Variants in ETV5 observed in about 807,000 individuals in gnomAD.
ETV5 encodes ETS variant transcription factor 5, also known as ETS translocation variant 5.
Under a neutral mutation model 70.0 loss-of-function variants are expected in ETV5, and 10 were observed. The ratio of observed to expected loss-of-function variants is 0.14; its 90% CI spans 0.09 to 0.24. The LOEUF (loss-of-function observed/expected upper bound fraction) is 0.24, where lower values mean the gene tolerates loss of function less well. Among genes scored for constraint, ETV5 ranks in the 10% least tolerant of loss-of-function variants. The probability of loss-of-function intolerance (pLI) is 1.00; values close to 1 mark genes in which losing one functional copy is unlikely to be tolerated. For missense variants in ETV5, 453 were observed against 651.2 expected (o/e 0.70, Z 3.31); for synonymous variants, 216 against 242.2 (o/e 0.89, Z 1.01).
chr3:186,076,638 ATT>A (rs1049716712), intron 7 of ETV5: 21 of 186,216 alleles, frequency 1.1e-4, no homozygotes, highest in Middle Eastern at 3.9e-3. Context: ...TTACGGTATA[ATT>A]TTAGCAAACT....
In ETV5 at chr3:186,047,412, G is replaced by T. The variant is rs1320856136; in HGVS notation, c.*1227C>A. The T allele has an allele frequency of 4.3e-6, 1 of 232,192 alleles. No individual in the cohort carries two copies. The highest frequency in any genetic ancestry group is 8.5e-6 in the Non-Finnish European group (1 of 117,400). The allele number at this position is 232,192 out of a possible 1,614,324, so 14.4% of individuals were successfully genotyped here. The stretch of plus-strand genomic sequence containing the variant: ...AAGAAAAAGGAAAACAAAACAAACT[G>T]ATGAAATGGAAATTGTCATCAGTCA... On this transcript the variant is annotated 3_prime_UTR_variant, in exon 13 of 13. Transcript: ENST00000306376.
chr3:186,059,240 C>T (rs145589810), intron 9 of ETV5, among the ~76,000 whole-genome samples: 1 of 152,176 alleles, frequency 6.6e-6, no homozygotes, highest in Non-Finnish European at 1.5e-5. Context: ...TTTCTCAGCC[C>T]TAAGCATTAG....
chr3:186,058,949 G>T (rs541730661), intron 9 of ETV5, among the ~76,000 whole-genome samples: 3 of 150,834 alleles, frequency 2.0e-5, no homozygotes, highest in Non-Finnish European at 4.4e-5. Context: ...GGAGGCGGAG[G>T]TTACAGTGGG....
At chr3:186,058,377 C>CGG (rs1415944784) in intron 9 of ETV5, among the ~76,000 whole-genome samples, 4 of 152,202 alleles carry the variant, frequency 2.6e-5, no homozygotes, top group Non-Finnish European at 5.9e-5. Flanking sequence ...TGTAAGGTCT[C>CGG]CAGTGCATAC....
intron 5 of ETV5, among the ~76,000 whole-genome samples, chr3:186,097,711 C>G (rs896476905): frequency 2.0e-5 from 3 of 152,164 alleles, no homozygotes; most frequent in Admixed American, 6.5e-5. Flanking sequence ...TTAAAGTGAG[C>G]ACTTAAAAGA....
chr3:186,064,610 T>G (rs912213483), intron 8 of ETV5, 134 bp from the exon 9 acceptor site: 7 of 855,782 alleles, frequency 8.2e-6, no homozygotes, highest in African/African-American at 5.0e-5. Context: ...GGCTTTGTCC[T>G]GGGAAAGAGG....
At chr3:186,093,553 C>A (rs998354898) in intron 5 of ETV5, among the ~76,000 whole-genome samples, 1 of 152,114 alleles carries the variant, frequency 6.6e-6, no homozygotes, top group Non-Finnish European at 1.5e-5. Context: ...AATCAAATAC[C>A]CAGATGAAAT....
intron 7 of ETV5, among the ~76,000 whole-genome samples, chr3:186,068,999 T>C (rs918552737): frequency 6.6e-6 from 1 of 152,230 alleles, no homozygotes; most frequent in Admixed American, 6.5e-5. Context: ...AATTCTTGAA[T>C]AGCTTTAATA....
Position 186,057,268 on chromosome 3 carries a change from C to T in ETV5, c.1040-24G>A. 1 of 1,613,868 alleles carries T rather than the reference C, an allele frequency of 6.2e-7. No individual in the cohort carries two copies. The highest frequency in any genetic ancestry group is 8.5e-7 in the Non-Finnish European group (1 of 1,179,814). ...GCCTGTTTGGGACAAGGACACATCA[C>T]ACAATAGCTTAGTCCTAAGTTTCTC... is the stretch of plus-strand genomic sequence containing the variant. On this transcript the variant is annotated intron_variant, in intron 10 of 12. Coordinates refer to ENST00000306376, the MANE Select transcript of ETV5 (RefSeq NM_004454.3). This position sits in a 1 kb window ranked among gnomAD's most constrained non-coding sequence, Gnocchi z 4.9.
At chr3:186,068,259 T>C (rs1257964633) in intron 7 of ETV5, among the ~76,000 whole-genome samples, 1 of 152,176 alleles carries the variant, frequency 6.6e-6, no homozygotes, top group African/African-American at 2.4e-5. Flanking sequence ...AATATGTAAA[T>C]ATATAAGGTC....
chr3:186,065,475 C>G (rs549478845), intron 8 of ETV5, among the ~76,000 whole-genome samples: 1 of 152,254 alleles, frequency 6.6e-6, no homozygotes, highest in Admixed American at 6.5e-5. Flanking sequence ...CTGAATAGAT[C>G]AATCTATGTA....
intron 5 of ETV5, among the ~76,000 whole-genome samples, chr3:186,102,058 G>A (rs1458457496): frequency 6.6e-6 from 1 of 152,046 alleles, no homozygotes; most frequent in Non-Finnish European, 1.5e-5. Flanking sequence ...AAAAGCAATG[G>A]TTTCATTCAC....
chr3:186,108,851 A>T (rs939972867), intron 1 of ETV5, 89 bp downstream of exon 1: 7 of 229,694 alleles, frequency 3.0e-5, no homozygotes, highest in Non-Finnish European at 5.3e-5. Context: ...ATTCTGAATC[A>T]GCCCGTGAAC....
chr3:186,052,244 C>T lies in ETV5; in HGVS notation c.1210-113G>A. Reference sequence around the variant, plus strand: ...CCTGACTGCTTTGGTCAATGATCTGCTACTCTGACCTGGAAGGGAAGGCAT... The same window carrying T: ...CCTGACTGCTTTGGTCAATGATCTGTTACTCTGACCTGGAAGGGAAGGCAT... On this transcript the variant is annotated intron_variant, in intron 11 of 12. Transcript: ENST00000306376. The surrounding 1 kb of genome is among the most constrained non-coding windows in gnomAD (Gnocchi z 4.5). 1.1e-6 allele frequency: 1 copy of T among 894,560 alleles called. No individual in the cohort carries two copies. Among genetic ancestry groups the T allele is most frequent in the East Asian group, 2.6e-5 (1 of 38,190 alleles). The allele number at this position is 894,560 out of a possible 1,614,324, so 55.4% of individuals were successfully genotyped here.
Position 186,057,407 on chromosome 3 carries a change from G to C in ETV5, c.1039+16C>G, listed in dbSNP as rs1216129286. 6.2e-7 allele frequency: 1 copy of C among 1,613,626 alleles called. No individual in the cohort carries two copies. Among genetic ancestry groups the C allele is most frequent in the Non-Finnish European group, 8.5e-7 (1 of 1,179,676 alleles). ...AAACCTCTACCTGGCAACAAACCTT[G>C]GATGGGGCTACTTACCTTCCAGTCT... On this transcript the variant is annotated intron_variant, in intron 10 of 12. Coordinates refer to ENST00000306376, the MANE Select transcript of ETV5 (RefSeq NM_004454.3). This position sits in a 1 kb window ranked among gnomAD's most constrained non-coding sequence, Gnocchi z 4.9.
intron 5 of ETV5, among the ~76,000 whole-genome samples, chr3:186,102,507 C>A (rs187839802): frequency 0.011 from 1,616 of 151,940 alleles, 24 homozygotes; most frequent in Non-Finnish European, 0.014. Context: ...GTGGCAGGTG[C>A]CTGTAATCCC....
chr3:186,056,733 G>C (rs77712562), intron 11 of ETV5, among the ~76,000 whole-genome samples: 2 of 152,218 alleles, frequency 1.3e-5, no homozygotes, highest in Non-Finnish European at 2.9e-5. Flanking sequence ...CAGGGGCTAA[G>C]ACCAAAACAA....
intron 9 of ETV5, among the ~76,000 whole-genome samples, chr3:186,059,530 A>C (rs951849457): frequency 1.3e-5 from 2 of 152,210 alleles, no homozygotes; most frequent in African/African-American, 4.8e-5. Flanking sequence ...GCAGCAGATA[A>C]AAATTCCTAC....
intron 7 of ETV5, chr3:186,078,981 TG>T (rs1430702677): frequency 1.3e-5 from 12 of 912,548 alleles, no homozygotes; most frequent in Non-Finnish European, 1.5e-5. Flanking sequence ...CCCGCCCCAT[TG>T]TGGCCCCCAC....
Sources: gnomAD v4.1 joint callset for allele counts (sites outside exome capture counted in the v4.1 genomes callset) on GRCh38, gnomAD v4.1.1 for gene constraint, Gnocchi (gnomAD v3.1) non-coding constraint, MANE v1.5 for transcripts, NCBI Gene and HGNC (gene_info 2026-07-23, HGNC 2026-07-21) for gene names.